The following IGSF11 variants were observed in gnomAD, a reference collection of about 807,000 sequenced individuals.
IGSF11 encodes the protein immunoglobulin superfamily member 11.
IGSF11 carries 22 observed loss-of-function variants against 41.0 expected under a neutral mutation model. That is an observed-to-expected ratio of 0.54 (90% CI 0.38 to 0.77). The LOEUF (loss-of-function observed/expected upper bound fraction) is 0.77, where lower values mean the gene tolerates loss of function less well. Among genes scored for constraint, IGSF11 ranks in the 30% least tolerant of loss-of-function variants. The pLI is 0.00. For missense variants in IGSF11, 444 were observed against 530.8 expected (o/e 0.84, Z 1.61); for synonymous variants, 219 against 201.3 (o/e 1.09, Z -0.74).
At chr3:119,112,274 T>C (rs1338907047) in intron 1 of IGSF11, among the ~76,000 whole-genome samples, 1 of 152,156 alleles carries the variant, frequency 6.6e-6, no homozygotes, top group African/African-American at 2.4e-5. Context: ...CCTGCTTTGT[T>C]TACTTAAGCA....
At chr3:119,003,443 T>C (rs1008677504) in intron 1 of IGSF11, among the ~76,000 whole-genome samples, 2 of 150,712 alleles carry the variant, frequency 1.3e-5, no homozygotes, top group African/African-American at 5.0e-5. Flanking sequence ...ACTTCCTCTT[T>C]TCCTAATTGA....
At chr3:118,911,358 G>A (rs1198316349) in intron 4 of IGSF11, among the ~76,000 whole-genome samples, 1 of 152,080 alleles carries the variant, frequency 6.6e-6, no homozygotes, top group Non-Finnish European at 1.5e-5. Context: ...AAAATTTTCT[G>A]CTCCCCATGA....
intron 1 of IGSF11, among the ~76,000 whole-genome samples, chr3:119,056,379 G>A (rs941593472): frequency 3.3e-5 from 5 of 152,136 alleles, no homozygotes; most frequent in African/African-American, 9.7e-5. Context: ...TAGAAGAAAT[G>A]GATAAATTCC....
At chr3:118,992,248 T>C (rs1182246479) in intron 1 of IGSF11, among the ~76,000 whole-genome samples, 1 of 152,228 alleles carries the variant, frequency 6.6e-6, no homozygotes, top group African/African-American at 2.4e-5. Context: ...TGTTAACATT[T>C]TGAAAAACTC....
chr3:118,967,514 T>C (rs1383015719), intron 1 of IGSF11, among the ~76,000 whole-genome samples: 1 of 152,128 alleles, frequency 6.6e-6, no homozygotes, highest in Non-Finnish European at 1.5e-5. Context: ...GCTGCCTCCA[T>C]CTCCTGCTAT....
At chr3:119,109,959 T>TTGTTATAATTTCTG (rs1360557726), upstream of IGSF11, among the ~76,000 whole-genome samples, 2 of 152,234 alleles carry the variant, frequency 1.3e-5, no homozygotes, top group Non-Finnish European at 2.9e-5. Flanking sequence ...GAGAGACACT[T>TTGTTATAATTTCTG]TGTTATAATT....
chr3:118,968,769 G>T (rs1404673886), intron 1 of IGSF11, among the ~76,000 whole-genome samples: 1 of 152,138 alleles, frequency 6.6e-6, no homozygotes, highest in Non-Finnish European at 1.5e-5. Context: ...TTCTTATTTA[G>T]CTACCTATTT....
At chr3:119,077,504 A>G (rs1462013114) in intron 1 of IGSF11, among the ~76,000 whole-genome samples, 2 of 152,128 alleles carry the variant, frequency 1.3e-5, no homozygotes, top group Admixed American at 6.6e-5. Context: ...AAAACCCTCA[A>G]CAAACCAAGC....
intron 1 of IGSF11, among the ~76,000 whole-genome samples, chr3:119,114,126 G>A (rs1701639353): frequency 6.6e-6 from 1 of 152,208 alleles, no homozygotes; most frequent in African/African-American, 2.4e-5. Flanking sequence ...GCCTGTGATG[G>A]GAGGGGCTGC....
chr3:118,980,954 G>T (rs1438020195), intron 1 of IGSF11, among the ~76,000 whole-genome samples: 2 of 152,096 alleles, frequency 1.3e-5, no homozygotes, highest in Non-Finnish European at 2.9e-5. Flanking sequence ...AAAGATACTT[G>T]AAAACTCATT....
At chr3:119,005,638 A>T in intron 1 of IGSF11, among the ~76,000 whole-genome samples, 1 of 107,712 alleles carries the variant, frequency 9.3e-6, no homozygotes, top group Non-Finnish European at 1.7e-5. Context: ...TTCCTTCAGG[A>T]GCTCTTTTAG....
intron 1 of IGSF11, among the ~76,000 whole-genome samples, chr3:119,019,172 A>T (rs534932026): frequency 2.0e-4 from 30 of 152,134 alleles, no homozygotes; most frequent in Admixed American, 1.9e-3. Context: ...AAAAACTAGG[A>T]CAGAGGTCAA....
At chr3:119,045,453 G>A (rs545019269) in intron 1 of IGSF11, among the ~76,000 whole-genome samples, 47 of 152,322 alleles carry the variant, frequency 3.1e-4, no homozygotes, top group African/African-American at 1.0e-3. Context: ...AAAAAACGGC[G>A]CACCATGAGA....
rs575191268 is a variant in IGSF11, at chr3:119,082,060, C to T, written c.49+23084G>A. On this transcript the variant is annotated intron_variant, in intron 1 of 6. Transcript: ENST00000354673. ...CTGAGATCCTCAGATAGAGAAACTT[C>T]CTACTTCATTCAGTTTGCCTATAGT... Among the ~76,000 whole-genome samples the T allele has an allele frequency of 3.3e-5, 5 of 152,270 alleles. No individual in the cohort carries two copies. The South Asian group carries it at 1.0e-3, about 32-fold the overall frequency.
At chr3:119,038,411 T>C (rs1940992397), upstream of IGSF11, among the ~76,000 whole-genome samples, 2 of 152,174 alleles carry the variant, frequency 1.3e-5, no homozygotes, top group Admixed American at 6.6e-5. Context: ...GCAATATCCA[T>C]CCTCCTCCCC....
intron 1 of IGSF11, chr3:118,946,151 T>C (rs1464610932): frequency 2.6e-5 from 4 of 151,160 alleles, no homozygotes; most frequent in African/African-American, 7.3e-5. Context: ...AAGAAACAGA[T>C]GGGAAGACAA....
chr3:118,904,936 T>C (rs1426049208), intron 5 of IGSF11, 138 bp from the exon 6 acceptor site: 4 of 689,946 alleles, frequency 5.8e-6, no homozygotes, highest in Non-Finnish European at 6.8e-6. Flanking sequence ...CTTTCATCTA[T>C]ATAAAGTTAA....
chr3:118,965,711 T>C (rs1472590198), intron 1 of IGSF11, among the ~76,000 whole-genome samples: 1 of 152,126 alleles, frequency 6.6e-6, no homozygotes, highest in Non-Finnish European at 1.5e-5. Context: ...TTAGCAGATG[T>C]GAGCTCTCAG....
At chr3:118,956,493 CA>C (rs1181298749) in intron 1 of IGSF11, among the ~76,000 whole-genome samples, 4 of 152,118 alleles carry the variant, frequency 2.6e-5, no homozygotes, top group Non-Finnish European at 5.9e-5. Flanking sequence ...GAGGCTATTA[CA>C]GGGTTATCAA....
Sources: allele counts gnomAD v4.1 joint callset (sites outside exome capture counted in the v4.1 genomes callset), GRCh38; gene constraint gnomAD v4.1.1; transcripts MANE v1.5; gene names NCBI Gene and HGNC (gene_info 2026-07-23, HGNC 2026-07-21).